B3GLCT: variants seen among roughly 807,000 people sequenced by gnomAD.
The protein encoded by B3GLCT is beta 3-glucosyltransferase.
A neutral mutation model predicts 63.4 loss-of-function variants in B3GLCT; 65 were observed. That is an observed-to-expected ratio of 1.03 (90% confidence interval 0.84 to 1.26). The LOEUF (loss-of-function observed/expected upper bound fraction) is 1.26, where lower values mean the gene tolerates loss of function less well. B3GLCT is among the 50% of genes most tolerant of loss of function. B3GLCT has a pLI of 0.00. For missense variants in B3GLCT, 577 were observed against 604.8 expected, an observed-to-expected ratio of 0.95 and a Z score of 0.48; for synonymous variants, 233 against 219.2, an observed-to-expected ratio of 1.06 and a Z score of -0.55.
In B3GLCT at chr13:31,276,840, G is replaced by T. The variant is rs1387255226; in HGVS notation, c.850+69G>T. ...CTACCTTCTAAAGAAAAGTACCAAT[G>T]AATTCTTGAGTGTAAATTCAGAAAA... On this transcript the variant is annotated intron_variant, in intron 10 of 14. Transcript: ENST00000343307. 2.2e-5 allele frequency: 25 copies of T among 1,150,974 alleles called. No homozygotes were observed. In the East Asian group the frequency reaches 4.7e-4, roughly 22 times the overall value. The allele number at this position is 1,150,974 out of a possible 1,614,324, so 71.3% of individuals were successfully genotyped here.
chr13:31,215,215 C>A, intron 2 of B3GLCT, 115 bp downstream of exon 2: 2 of 1,098,866 alleles, frequency 1.8e-6, no homozygotes, highest in Non-Finnish European at 1.4e-6. Flanking sequence ...TTACATAATT[C>A]ATATAATGTG....
intron 12 of B3GLCT, among the ~76,000 whole-genome samples, chr13:31,316,742 A>G (rs1367048781): frequency 6.6e-6 from 1 of 152,020 alleles, no homozygotes; most frequent in Non-Finnish European, 1.5e-5. Flanking sequence ...CTTTCTTAGT[A>G]CTACCCTTTG....
intron 6 of B3GLCT, among the ~76,000 whole-genome samples, chr13:31,258,701 G>C (rs1871865124): frequency 6.6e-6 from 1 of 151,998 alleles, no homozygotes; most frequent in Non-Finnish European, 1.5e-5. Context: ...TTCCCCTGCT[G>C]CCAGCTGCTT....
At chr13:31,251,614 A>G (rs541542789) in intron 6 of B3GLCT, among the ~76,000 whole-genome samples, 12 of 152,238 alleles carry the variant, frequency 7.9e-5, no homozygotes, top group Non-Finnish European at 1.6e-4. Flanking sequence ...AAGAAAGGAT[A>G]TCAGAGATTG....
intron 6 of B3GLCT, among the ~76,000 whole-genome samples, chr13:31,254,308 A>T (rs1324641100): frequency 6.6e-6 from 1 of 152,244 alleles, no homozygotes; most frequent in Non-Finnish European, 1.5e-5. Context: ...CCGGCAGCAC[A>T]TCAAAAAACT....
At chr13:31,202,997 A>G (rs1325730608) in intron 1 of B3GLCT, among the ~76,000 whole-genome samples, 1 of 152,230 alleles carries the variant, frequency 6.6e-6, no homozygotes, top group Admixed American at 6.5e-5. Flanking sequence ...ATCCTAATTG[A>G]TAGAAGAAGC....
At chr13:31,227,329 TAA>T (rs201525675) in intron 3 of B3GLCT, among the ~76,000 whole-genome samples, 1 of 150,782 alleles carries the variant, frequency 6.6e-6, no homozygotes, top group South Asian at 2.1e-4. Context: ...TTTATTAAAT[TAA>T]AAAAAAAATT....
Position 31,200,003 on chromosome 13 carries a change from G to T in B3GLCT, c.-82G>T. The T allele has an allele frequency of 3.6e-6, 3 of 834,640 alleles. No homozygotes were observed. Among genetic ancestry groups the T allele is most frequent in the Non-Finnish European group, 4.6e-6 (3 of 645,232 alleles). 51.7% of individuals were successfully genotyped at this position (834,640 alleles called of 1,614,324 possible). A position where few individuals can be genotyped will look rare whatever the true frequency, so the allele number is the denominator to read the frequency against. On this transcript the variant is annotated 5_prime_UTR_variant, in exon 1 of 15. Coordinates refer to ENST00000343307, the MANE Select transcript of B3GLCT (RefSeq NM_194318.4). ...GAAGGGTCAGCCGCGGCGGCAGGGC[G>T]GCGGCGGCAGCGGCGCAGCTCCGCT...
chr13:31,269,613 T>G (rs1387524081), intron 8 of B3GLCT, among the ~76,000 whole-genome samples: 3 of 151,638 alleles, frequency 2.0e-5, no homozygotes, highest in Non-Finnish European at 4.4e-5. Flanking sequence ...GTTGTACGTA[T>G]GCCAGTGTAG....
chr13:31,316,407 T>TATATATATATATATATA (rs1555255282), intron 12 of B3GLCT, among the ~76,000 whole-genome samples: 5 of 40,866 alleles, frequency 1.2e-4, no homozygotes, highest in Non-Finnish European at 1.1e-4. Context: ...TTTGGAGGTT[T>TATATATATATATATATA]TATATATATA....
In B3GLCT at chr13:31,332,189, A is replaced by G. The variant is rs201362054; in HGVS notation, c.*2521A>G. 68 of 152,324 alleles carry G rather than the reference A, an allele frequency of 4.5e-4. No individual in the cohort carries two copies. Among genetic ancestry groups the G allele is most frequent in the African/African-American group, 1.6e-3 (67 of 41,594 alleles). 9.4% of individuals were successfully genotyped at this position (152,324 alleles called of 1,614,324 possible). ...ATCCTCAAAAATTAATGTAATTGAC[A>G]TCTTCAAGAATGTTTCTATTGTCTT... On this transcript the variant is annotated 3_prime_UTR_variant, in exon 15 of 15. Transcript: ENST00000343307.
At chr13:31,240,177 A>G (rs1870856447) in intron 4 of B3GLCT, among the ~76,000 whole-genome samples, 1 of 152,132 alleles carries the variant, frequency 6.6e-6, no homozygotes, top group Non-Finnish European at 1.5e-5. Flanking sequence ...AAAGGGTTTC[A>G]TTATTGGGGG....
intron 2 of B3GLCT, among the ~76,000 whole-genome samples, chr13:31,216,380 AT>A (rs1034087974): frequency 4.0e-5 from 6 of 151,696 alleles, no homozygotes; most frequent in East Asian, 1.9e-4. Context: ...AGGTCACATG[AT>A]TTTTTTTTCT....
intron 4 of B3GLCT, among the ~76,000 whole-genome samples, chr13:31,246,118 A>T (rs1427401498): frequency 6.6e-6 from 1 of 152,224 alleles, no homozygotes; most frequent in African/African-American, 2.4e-5. Context: ...AATGTTTCAG[A>T]TACTTAGGTA....
chr13:31,252,526 C>T lies in B3GLCT; in HGVS notation c.459+4560C>T, dbSNP rs181468700. ...TCAAAAAGGGATGGAGGAAGATTTA[C>T]CAAGCAAATGGAAGGCCAAAAAAAA... On this transcript the variant is annotated intron_variant, in intron 6 of 14. Transcript: ENST00000343307. 1.4e-4 allele frequency among the ~76,000 whole-genome samples: 20 copies of T among 145,944 alleles called. No individual in the cohort carries two copies. In the East Asian group the frequency reaches 3.3e-3, roughly 24 times the overall value.
At chr13:31,294,123 T>A (rs1391699340) in intron 12 of B3GLCT, among the ~76,000 whole-genome samples, 1 of 152,202 alleles carries the variant, frequency 6.6e-6, no homozygotes, top group Non-Finnish European at 1.5e-5. Context: ...TTAAGAATGT[T>A]GAATATTGGC....
At chr13:31,323,642 A>G (rs1469987199) in intron 13 of B3GLCT, 109 bp from the exon 14 acceptor site, 1 of 1,262,690 alleles carries the variant, frequency 7.9e-7, no homozygotes, top group Non-Finnish European at 1.2e-6. Flanking sequence ...GAAAGCTACT[A>G]TTGCCTCTCA....
chr13:31,301,279 G>A (rs1207287835), intron 12 of B3GLCT, among the ~76,000 whole-genome samples: 1 of 152,202 alleles, frequency 6.6e-6, no homozygotes, highest in Non-Finnish European at 1.5e-5. Context: ...TGCAGAGGGG[G>A]CTATCAAATG....
intron 3 of B3GLCT, among the ~76,000 whole-genome samples, chr13:31,224,735 G>T (rs1593255275): frequency 6.6e-6 from 1 of 152,072 alleles, no homozygotes. Flanking sequence ...TGTGTTTGTG[G>T]GTGTGTGTGT....
Sources: allele counts gnomAD v4.1 joint callset (sites outside exome capture counted in the v4.1 genomes callset), GRCh38; gene constraint gnomAD v4.1.1; transcripts MANE v1.5; gene names NCBI Gene and HGNC (gene_info 2026-07-23, HGNC 2026-07-21).